MPP7: variants seen among roughly 807,000 people sequenced by gnomAD.
The protein encoded by MPP7 is MAGUK p55 scaffold protein 7, also known as MAGUK p55 subfamily member 7.
Under a neutral mutation model 76.5 loss-of-function variants are expected in MPP7, and 60 were observed. The observed-to-expected ratio is 0.78, with a 90% CI of 0.64 to 0.97. The LOEUF is 0.97. Ranked by LOEUF, MPP7 falls within the 50% of genes least tolerant of loss-of-function variation. The pLI is 0.00. For synonymous variants in MPP7, 237 were observed against 244.5 expected, an observed-to-expected ratio of 0.97 and a Z score of 0.29; for missense variants, 641 against 694.0, an observed-to-expected ratio of 0.92 and a Z score of 0.86.
At chr10:28,269,525 CTTTT>C (rs111580419) in intron 1 of MPP7, among the ~76,000 whole-genome samples, 2 of 139,104 alleles carry the variant, frequency 1.4e-5, no homozygotes, top group African/African-American at 2.6e-5. Context: ...TTGTTTTTAT[CTTTT>C]TTTTTTTTTT....
intron 3 of MPP7, among the ~76,000 whole-genome samples, chr10:28,167,445 G>C (rs544456713): frequency 6.6e-6 from 1 of 152,240 alleles, no homozygotes; most frequent in South Asian, 2.1e-4. Context: ...ATAAAGATGG[G>C]AGCAACAGAC....
chr10:28,274,291 ACGGGGTTTCAC>A (rs1269967877), intron 1 of MPP7, among the ~76,000 whole-genome samples: 2 of 150,674 alleles, frequency 1.3e-5, no homozygotes, highest in Admixed American at 1.3e-4. Context: ...TTTAGTAGAG[ACGGGGTTTCAC>A]CGGAGCCAGG....
intron 2 of MPP7, among the ~76,000 whole-genome samples, chr10:28,205,213 T>C (rs905682227): frequency 1.3e-5 from 2 of 152,162 alleles, no homozygotes; most frequent in African/African-American, 4.8e-5. Context: ...GCCAGAGCCG[T>C]GTGCAGTCTC....
Position 28,164,029 on chromosome 10 carries a change from C to G in MPP7, c.157-13970G>C, listed in dbSNP as rs575973489. 3.0e-4 allele frequency among the ~76,000 whole-genome samples: 46 copies of G among 152,232 alleles called. 1 individual carries two copies. In the South Asian group the frequency reaches 7.0e-3, roughly 23 times the overall value. On this transcript the variant is annotated intron_variant, in intron 3 of 16. Transcript: ENST00000683449. ...AGAGATCAAATGTAGAGGAGATACA[C>G]TGAGCATAAAGGCTTGTGAGACACC...
intron 1 of MPP7, among the ~76,000 whole-genome samples, chr10:28,245,877 G>A (rs1236584554): frequency 6.8e-6 from 1 of 146,684 alleles, no homozygotes; most frequent in Non-Finnish European, 1.5e-5. Context: ...CTCAACAGCA[G>A]ACTTGATCAA....
At chr10:28,135,639 T>C (rs1353894704) in intron 5 of MPP7, among the ~76,000 whole-genome samples, 2 of 152,144 alleles carry the variant, frequency 1.3e-5, no homozygotes, top group African/African-American at 4.8e-5. Context: ...CAGAAATAGT[T>C]CTTGTTCTCA....
intron 11 of MPP7, among the ~76,000 whole-genome samples, chr10:28,091,032 A>G (rs1213982877): frequency 1.3e-5 from 2 of 152,030 alleles, no homozygotes; most frequent in African/African-American, 4.8e-5. Context: ...ATGTAATCTC[A>G]GCTACTCGGG....
intron 11 of MPP7, chr10:28,118,926 A>C: frequency 2.0e-6 from 2 of 985,420 alleles, no homozygotes; most frequent in South Asian, 9.4e-5. Flanking sequence ...CTATGCTAAA[A>C]ACAAAGGGTT....
Position 28,230,155 on chromosome 10 carries a change from T to C in MPP7, c.37+8413A>G, listed in dbSNP as rs972330173. On this transcript the variant is annotated intron_variant, in intron 2 of 16. Coordinates refer to ENST00000683449, the MANE Select transcript of MPP7 (RefSeq NM_001318170.2). ...AAAGAGAATGTATAACATCAAGACA[T>C]AGGGGAAAAATGAAAATGATAGAAA... is the stretch of plus-strand genomic sequence containing the variant. Among the ~76,000 whole-genome samples, 8 of 151,868 alleles carry C rather than the reference T, an allele frequency of 5.3e-5. No individual in the cohort carries two copies. In the East Asian group the frequency reaches 7.7e-4, roughly 15 times the overall value.
intron 13 of MPP7, among the ~76,000 whole-genome samples, chr10:28,068,057 G>GT (rs950847032): frequency 3.2e-4 from 48 of 150,248 alleles, no homozygotes; most frequent in African/African-American, 6.8e-4. Context: ...TTAAAAATTC[G>GT]TTTTTTTTTC....
chr10:28,300,605 C>A (rs1333827048), intron 1 of MPP7, among the ~76,000 whole-genome samples: 1 of 152,114 alleles, frequency 6.6e-6, no homozygotes, highest in Non-Finnish European at 1.5e-5. Context: ...TTAAAATGTA[C>A]ATGTGAAACA....
chr10:28,318,613 A>T (rs1375106721), intron 2 of MPP7, among the ~76,000 whole-genome samples: 4 of 152,318 alleles, frequency 2.6e-5, no homozygotes, highest in Non-Finnish European at 4.4e-5. Flanking sequence ...TGAACCTGGG[A>T]GGTGGAGGTT....
chr10:28,071,895 T>C (rs919348827), intron 12 of MPP7, among the ~76,000 whole-genome samples: 1 of 152,102 alleles, frequency 6.6e-6, no homozygotes, highest in Admixed American at 6.5e-5. Context: ...TTGAATATGA[T>C]AAGGAAAGAA....
intron 8 of MPP7, among the ~76,000 whole-genome samples, chr10:28,122,828 C>CT (rs1261614702): frequency 6.6e-6 from 1 of 151,798 alleles, no homozygotes; most frequent in Non-Finnish European, 1.5e-5. Context: ...TTTATGGCAC[C>CT]TTTTTTCTAT....
intron 3 of MPP7, among the ~76,000 whole-genome samples, chr10:28,200,295 G>A (rs570540759): frequency 6.6e-6 from 1 of 152,232 alleles, no homozygotes; most frequent in Admixed American, 6.5e-5. Flanking sequence ...GGGGGTGGGA[G>A]GAACTATTAA....
intron 3 of MPP7, among the ~76,000 whole-genome samples, chr10:28,185,012 T>C (rs57455967): frequency 0.023 from 3,448 of 147,594 alleles, 136 homozygotes; most frequent in African/African-American, 0.08. Context: ...AATTATTATA[T>C]CATATATAGT....
At position 28,182,428 on chromosome 10, in the gene MPP7, C is replaced by T. The variant is rs72803669; in HGVS notation, c.156+19725G>A. 6.3e-3 allele frequency among the ~76,000 whole-genome samples: 951 copies of T among 152,134 alleles called. 5 individuals carry two copies. Among genetic ancestry groups the T allele is most frequent in the Admixed American group, 0.013 (195 of 15,268 alleles). ...TCCTGGATTATAATATGATACAATC[C>T]GTTAGAAAAGTAATTTGGCAATATC... On this transcript the variant is annotated intron_variant, in intron 3 of 16. Coordinates refer to ENST00000683449, the MANE Select transcript of MPP7 (RefSeq NM_001318170.2).
intron 11 of MPP7, among the ~76,000 whole-genome samples, chr10:28,103,106 G>A (rs1853905057): frequency 6.6e-6 from 1 of 151,368 alleles, no homozygotes; most frequent in Non-Finnish European, 1.5e-5. Context: ...AATGCGTCCT[G>A]TCTCAGGGCC....
Position 28,296,125 on chromosome 10 carries a change from T to C in MPP7, c.-132+6736A>G, listed in dbSNP as rs182212935. 2.1e-3 allele frequency among the ~76,000 whole-genome samples: 317 copies of C among 152,300 alleles called. 2 individuals carry two copies. The highest frequency in any genetic ancestry group is 3.8e-3 in the Non-Finnish European group (257 of 68,014). ...CCACAGGAGAGCTATAAACCTGTCTTAAAATGCTTAATGACCTGATTAAGG... is the reference window on the plus strand; with the variant it reads ...CCACAGGAGAGCTATAAACCTGTCTCAAAATGCTTAATGACCTGATTAAGG... On this transcript the variant is annotated intron_variant, in intron 1 of 16. Coordinates refer to ENST00000683449, the MANE Select transcript of MPP7 (RefSeq NM_001318170.2).
Sources: allele counts gnomAD v4.1 joint callset (sites outside exome capture counted in the v4.1 genomes callset), GRCh38; gene constraint gnomAD v4.1.1; transcripts MANE v1.5; gene names NCBI Gene and HGNC (gene_info 2026-07-23, HGNC 2026-07-21).